Variants in SNORC observed in about 807,000 individuals in gnomAD.
SNORC encodes the protein protein SNORC.
Under a neutral mutation model 9.7 loss-of-function variants are expected in SNORC, and 11 were observed. That is an observed-to-expected ratio of 1.14 (90% CI 0.72 to 1.88). The LOEUF is 1.88. Among genes scored for constraint, SNORC ranks in the 40% most tolerant of loss-of-function variants. SNORC has a pLI of 0.00. For synonymous variants in SNORC, 108 were observed against 88.7 expected (o/e 1.22, Z -1.22); for missense variants, 197 against 173.1 (o/e 1.14, Z -0.77).
intron 1 of SNORC, among the ~76,000 whole-genome samples, chr2:232,871,346 G>T (rs552165618): frequency 3.3e-5 from 5 of 152,286 alleles, no homozygotes; most frequent in Admixed American, 6.5e-5. Context: ...CTTCTCCCTG[G>T]ACGCCCAGGA....
chr2:232,874,489 G>A (rs75369708), intron 1 of SNORC, among the ~76,000 whole-genome samples: 8,052 of 152,222 alleles, frequency 0.053, 310 homozygotes, highest in Non-Finnish European at 0.078. Context: ...GGAACCTTTC[G>A]GCCTTTCTTT....
In SNORC at chr2:232,876,213, G is replaced by GC; in HGVS notation, c.257-33dup. On this transcript the variant is annotated intron_variant, in intron 2 of 2. Transcript: ENST00000331342. This position sits in a 1 kb window ranked among gnomAD's most constrained non-coding sequence, Gnocchi z 6.8. ...GGGGAGAAGGGCCGGCCAGGCGGGG[G>GC]CTAGCAGGTGACATGGTCCTCCGTC... The GC allele has an allele frequency of 1.3e-6, 2 of 1,486,132 alleles. No individual in the cohort carries two copies. The highest frequency in any genetic ancestry group is 1.8e-6 in the Non-Finnish European group (2 of 1,125,002). The allele number at this position is 1,486,132 out of a possible 1,614,324, so 92.1% of individuals were successfully genotyped here.
At chr2:232,875,643 C>T in intron 1 of SNORC, 1 of 521,916 alleles carries the variant, frequency 1.9e-6, no homozygotes, top group Non-Finnish European at 3.5e-6. Context: ...GCTCTCTGGT[C>T]CCTGGGTACC....
At chr2:232,877,291 G>C, downstream of SNORC, 1 of 985,452 alleles carries the variant, frequency 1.0e-6, no homozygotes, top group African/African-American at 1.7e-5. Flanking sequence ...TTCACCCTCA[G>C]AGAGTCGGGG....
At chr2:232,868,125 A>C (rs1370038988), upstream of SNORC, among the ~76,000 whole-genome samples, 1 of 151,472 alleles carries the variant, frequency 6.6e-6, no homozygotes, top group African/African-American at 2.4e-5. Context: ...CCTAGGGATC[A>C]AAACATTCTG....
At chr2:232,874,750 G>C (rs1559181829) in intron 1 of SNORC, among the ~76,000 whole-genome samples, 1 of 152,248 alleles carries the variant, frequency 6.6e-6, no homozygotes, top group African/African-American at 2.4e-5. Context: ...AGGTGCCCTA[G>C]GGTCGCCGGC....
At chr2:232,869,321 CAT>C (rs1690938699), upstream of SNORC, among the ~76,000 whole-genome samples, 1 of 152,072 alleles carries the variant, frequency 6.6e-6, no homozygotes, top group South Asian at 2.1e-4. Context: ...TGGACTGAAA[CAT>C]AGAGCTCGTG....
chr2:232,876,628 C>G (rs538074062), downstream of SNORC: 684 of 1,050,170 alleles, frequency 6.5e-4, 10 homozygotes, highest in African/African-American at 0.011. This position sits in a 1 kb window ranked among gnomAD's most constrained non-coding sequence, Gnocchi z 6.8. Flanking sequence ...TGCACCTGAG[C>G]GCGCGCAGGG....
chr2:232,877,135 A>G (rs1422081049), downstream of SNORC: 8 of 985,692 alleles, frequency 8.1e-6, no homozygotes, highest in East Asian at 1.1e-4. Context: ...CCTCAGGAGC[A>G]GGATGAGTCG....
upstream of SNORC, among the ~76,000 whole-genome samples, chr2:232,867,857 C>T (rs528822166): frequency 5.3e-5 from 8 of 152,334 alleles, no homozygotes; most frequent in African/African-American, 1.2e-4. Flanking sequence ...ATCTCCTTTC[C>T]GCCAGTGCCC....
chr2:232,870,791 T>C lies in SNORC; in HGVS notation c.73+377T>C, dbSNP rs73108323. Among the ~76,000 whole-genome samples the C allele has an allele frequency of 6.1e-3, 920 of 151,958 alleles. 12 individuals carry two copies. Among genetic ancestry groups the C allele is most frequent in the African/African-American group, 0.021 (869 of 41,420 alleles). On this transcript the variant is annotated intron_variant, in intron 1 of 2. Coordinates refer to ENST00000331342, the Ensembl canonical transcript of SNORC. ...ACAAGCAGCTGAGGGGCCAGAGGAG[T>C]GCAGAGCCTTGCTGATTACTTTGAA...
At chr2:232,875,911 G>C (rs1186166108) in intron 1 of SNORC, 29 bp from the exon 2 acceptor site, 1 of 1,525,828 alleles carries the variant, frequency 6.6e-7, no homozygotes, top group Non-Finnish European at 8.8e-7. Context: ...CGTCACCTGG[G>C]GCCCCAGCAC....
At chr2:232,874,663 T>C (rs1315259960) in intron 1 of SNORC, among the ~76,000 whole-genome samples, 1 of 152,368 alleles carries the variant, frequency 6.6e-6, no homozygotes, top group Non-Finnish European at 1.5e-5. Flanking sequence ...CTCTGGGTGC[T>C]GGTGAACCTA....
chr2:232,876,581 G>C, downstream of SNORC: 1 of 1,147,210 alleles, frequency 8.7e-7, no homozygotes, highest in Non-Finnish European at 1.1e-6. The surrounding 1 kb of genome is among the most constrained non-coding windows in gnomAD (Gnocchi z 6.8). Context: ...GGGCGTGCGT[G>C]AGCGCACAGC....
upstream of SNORC, chr2:232,869,890 G>T: frequency 3.8e-6 from 1 of 266,528 alleles, no homozygotes; most frequent in Non-Finnish European, 7.3e-6. Flanking sequence ...CCAGGCCACA[G>T]GCACTAACAT....
upstream of SNORC, among the ~76,000 whole-genome samples, chr2:232,867,646 G>A (rs959511294): frequency 2.0e-5 from 3 of 152,162 alleles, no homozygotes; most frequent in Non-Finnish European, 4.4e-5. Context: ...TGCAGCCTTG[G>A]CTCACGCCTG....
Position 232,876,170 on chromosome 2 carries a change from G to C in SNORC, c.256+48G>C. 8.2e-7 allele frequency: 1 copy of C among 1,225,772 alleles called. No individual in the cohort carries two copies. The highest frequency in any genetic ancestry group is 1.1e-6 in the Non-Finnish European group (1 of 900,478). 75.9% of individuals were successfully genotyped at this position (1,225,772 alleles called of 1,614,324 possible). A position where few individuals can be genotyped will look rare whatever the true frequency, so the allele number is the denominator to read the frequency against. ...AGGGGAGAGGGAGAAATTAGGAGGGGCGGGGGGCGGGGGGCGCGGGGAGAA... is the reference window on the plus strand; with the variant it reads ...AGGGGAGAGGGAGAAATTAGGAGGGCCGGGGGGCGGGGGGCGCGGGGAGAA... On this transcript the variant is annotated intron_variant, in intron 2 of 2. Transcript: ENST00000331342. This position sits in a 1 kb window ranked among gnomAD's most constrained non-coding sequence, Gnocchi z 6.8.
chr2:232,877,021 A>AGTTTTTGGG (rs2106198851), downstream of SNORC: 4 of 985,554 alleles, frequency 4.1e-6, no homozygotes, highest in South Asian at 1.9e-4. Flanking sequence ...TCTCCCAGCC[A>AGTTTTTGGG]GAGGCCGCGT....
In SNORC at chr2:232,876,218, C is replaced by T; in HGVS notation, c.257-29C>T. 6.7e-7 allele frequency: 1 copy of T among 1,489,438 alleles called. No individual in the cohort carries two copies. Among genetic ancestry groups the T allele is most frequent in the African/African-American group, 1.5e-5 (1 of 68,808 alleles). 92.3% of individuals were successfully genotyped at this position (1,489,438 alleles called of 1,614,324 possible). A position where few individuals can be genotyped will look rare whatever the true frequency, so the allele number is the denominator to read the frequency against. ...GAAGGGCCGGCCAGGCGGGGGCTAG[C>T]AGGTGACATGGTCCTCCGTCCTCCG... On this transcript the variant is annotated intron_variant, in intron 2 of 2. Transcript: ENST00000331342. The surrounding 1 kb of genome is among the most constrained non-coding windows in gnomAD (Gnocchi z 6.8).
Sources: allele counts gnomAD v4.1 joint callset (sites outside exome capture counted in the v4.1 genomes callset), GRCh38; gene constraint gnomAD v4.1.1; non-coding constraint Gnocchi (gnomAD v3.1); transcripts MANE v1.5; gene names NCBI Gene and HGNC (gene_info 2026-07-23, HGNC 2026-07-21).